Variants in NCKAP5 observed in about 807,000 individuals in gnomAD.
NCKAP5 encodes NCK associated protein 5, also known as nck-associated protein 5.
A neutral mutation model predicts 167.0 loss-of-function variants in NCKAP5; 92 were observed. The observed-to-expected ratio is 0.55, with a 90% CI of 0.47 to 0.66. The LOEUF is 0.66. NCKAP5 is among the 30% of genes least tolerant of loss of function. NCKAP5 has a pLI of 0.00. For synonymous variants in NCKAP5, 891 were observed against 877.4 expected (o/e 1.02, Z -0.27); for missense variants, 2,378 against 2,315.0 (o/e 1.03, Z -0.56).
chr2:133,469,874 G>A (rs975917827), intron 3 of NCKAP5, among the ~76,000 whole-genome samples: 1 of 149,862 alleles, frequency 6.7e-6, no homozygotes, highest in African/African-American at 2.5e-5. Flanking sequence ...GCTCCTTTAA[G>A]CACTTCTCTG....
intron 5 of NCKAP5, among the ~76,000 whole-genome samples, chr2:133,210,182 A>G (rs1490375461): frequency 6.7e-6 from 1 of 148,624 alleles, no homozygotes. Flanking sequence ...AAATAATATA[A>G]TATAATATAA....
intron 3 of NCKAP5, among the ~76,000 whole-genome samples, chr2:133,350,568 G>T (rs1684292682): frequency 6.6e-6 from 1 of 152,096 alleles, no homozygotes; most frequent in Non-Finnish European, 1.5e-5. Context: ...CAGCACTTTG[G>T]TTTGGCCAAG....
At chr2:132,781,869 G>A in intron 14 of NCKAP5, 71 bp downstream of exon 14, 2 of 1,446,850 alleles carry the variant, frequency 1.4e-6, no homozygotes, top group Non-Finnish European at 1.9e-6. Flanking sequence ...TAATGCACAG[G>A]AAGCAAACAA....
chr2:133,636,299 T>C, the NCKAP5 span, among the ~76,000 whole-genome samples: 1 of 152,192 alleles, frequency 6.6e-6, no homozygotes, highest in Non-Finnish European at 1.5e-5. Flanking sequence ...GGCATGTTTA[T>C]ATCAAAGACA....
intron 5 of NCKAP5, among the ~76,000 whole-genome samples, chr2:133,194,173 G>A (rs115849619): frequency 6.6e-6 from 1 of 152,040 alleles, no homozygotes; most frequent in Non-Finnish European, 1.5e-5. Flanking sequence ...ATGAAAGCTA[G>A]AGAAAGGTGG....
At chr2:133,601,371 C>T in the NCKAP5 span, among the ~76,000 whole-genome samples, 1 of 152,308 alleles carries the variant, frequency 6.6e-6, no homozygotes. Flanking sequence ...AATAATTACA[C>T]AGCACCAACA....
intron 6 of NCKAP5, among the ~76,000 whole-genome samples, chr2:133,060,136 A>G (rs1273873975): frequency 6.6e-6 from 1 of 152,230 alleles, no homozygotes; most frequent in Non-Finnish European, 1.5e-5. Context: ...CAGTGGGACT[A>G]GGAAAATCAT....
intron 2 of NCKAP5, among the ~76,000 whole-genome samples, chr2:133,555,188 T>G (rs1173153126): frequency 1.3e-5 from 2 of 152,230 alleles, no homozygotes; most frequent in Admixed American, 1.3e-4. Context: ...TGCTTTTGCA[T>G]GCAAAATGCT....
chr2:132,734,071 A>G (rs1018827401), intron 16 of NCKAP5, among the ~76,000 whole-genome samples: 6 of 152,200 alleles, frequency 3.9e-5, no homozygotes, highest in African/African-American at 1.4e-4. Context: ...TCCCAGGATT[A>G]CAAGGGTTTT....
intron 19 of NCKAP5, among the ~76,000 whole-genome samples, chr2:132,719,268 T>G (rs1689680536): frequency 6.6e-6 from 1 of 152,124 alleles, no homozygotes; most frequent in African/African-American, 2.4e-5. Flanking sequence ...AAAAAAAAAT[T>G]TTAAGTAAAA....
intron 8 of NCKAP5, among the ~76,000 whole-genome samples, chr2:132,956,929 C>T (rs1471932594): frequency 1.3e-5 from 2 of 152,188 alleles, no homozygotes; most frequent in African/African-American, 4.8e-5. Context: ...GCTGGCTCCT[C>T]TTCCTCTGCC....
At chr2:132,767,526 G>A (rs1370454391) in intron 16 of NCKAP5, among the ~76,000 whole-genome samples, 1 of 152,170 alleles carries the variant, frequency 6.6e-6, no homozygotes, top group Non-Finnish European at 1.5e-5. Context: ...TTACAGGCGT[G>A]AGCCACCGCG....
intron 8 of NCKAP5, among the ~76,000 whole-genome samples, chr2:132,900,458 C>T (rs539559115): frequency 1.3e-5 from 2 of 152,058 alleles, no homozygotes; most frequent in East Asian, 3.9e-4. Flanking sequence ...ACACATACAA[C>T]CACACACACA....
At position 132,784,466 on chromosome 2, in the gene NCKAP5, C is replaced by A. The variant is rs1179943867; in HGVS notation, c.2345G>T (p.Cys782Phe). Residue 782 changes from cysteine (C) to phenylalanine (F), a missense_variant, in exon 14 of 20, where the codon TGC becomes TTC. Cys to Phe is a radical substitution (Grantham distance 205). Around this residue, in one of 3 missense-constraint regions of NCKAP5, gnomAD observed 1,049 missense variants for 1,023.4 expected, o/e 1.02. Coordinates refer to ENST00000409261, the MANE Select transcript of NCKAP5 (RefSeq NM_207363.3). The part of the protein sequence containing the change: ...KLVKPTHNIS[C>F]QSNSRSSAPM... The stretch of plus-strand genomic sequence containing the variant: ...TGCCGAAGACCTGGAATTACTCTGG[C>A]ATGATATATTGTGTGTTGGTTTGAC... 1.3e-6 allele frequency: 2 copies of A among 1,598,822 alleles called. No individual in the cohort carries two copies. The highest frequency in any genetic ancestry group is 1.1e-5 in the South Asian group (1 of 87,734).
chr2:133,376,166 G>A (rs1471492375), intron 3 of NCKAP5, among the ~76,000 whole-genome samples: 1 of 152,132 alleles, frequency 6.6e-6, no homozygotes, highest in Non-Finnish European at 1.5e-5. Flanking sequence ...CAGAAAGGAA[G>A]AACTGATTCC....
chr2:133,510,227 C>T (rs1683367964), intron 3 of NCKAP5, among the ~76,000 whole-genome samples: 1 of 152,184 alleles, frequency 6.6e-6, no homozygotes, highest in African/African-American at 2.4e-5. Context: ...AACCCCACTG[C>T]ATGCTGGGGG....
At chr2:133,056,284 T>C (rs2079798622) in intron 6 of NCKAP5, among the ~76,000 whole-genome samples, 1 of 152,172 alleles carries the variant, frequency 6.6e-6, no homozygotes, top group Admixed American at 6.5e-5. Context: ...ACATTCATCA[T>C]CCCTATTTTA....
At chr2:133,592,599 G>T in the NCKAP5 span, among the ~76,000 whole-genome samples, 1 of 152,188 alleles carries the variant, frequency 6.6e-6, no homozygotes. Context: ...AGAGCAAGCT[G>T]CTCATTGAAG....
chr2:133,217,487 T>C (rs1019024447), intron 4 of NCKAP5, among the ~76,000 whole-genome samples: 26 of 152,258 alleles, frequency 1.7e-4, no homozygotes, highest in Admixed American at 1.6e-3. Context: ...CATTGTCTCA[T>C]ATTTTACTCG....
Sources: gnomAD v4.1 joint callset for allele counts (sites outside exome capture counted in the v4.1 genomes callset) on GRCh38, gnomAD v4.1.1 for gene constraint, gnomAD v4.1.1 regional missense constraint, MANE v1.5 for transcripts, NCBI Gene and HGNC (gene_info 2026-07-23, HGNC 2026-07-21) for gene names.